The following WDR72 variants were observed in gnomAD, a reference collection of about 807,000 sequenced individuals.
WDR72 encodes the protein WD repeat-containing protein 72.
WDR72 carries 120 observed loss-of-function variants against 124.2 expected under a neutral mutation model. The ratio of observed to expected loss-of-function variants is 0.97; its 90% CI spans 0.83 to 1.12. The LOEUF (loss-of-function observed/expected upper bound fraction) is 1.12, where lower values mean the gene tolerates loss of function less well. WDR72 is among the 50% of genes most tolerant of loss of function. The probability of loss-of-function intolerance (pLI) is 0.00; values close to 1 mark genes in which losing one functional copy is unlikely to be tolerated. For missense variants in WDR72, 1,387 were observed against 1,278.8 expected, an observed-to-expected ratio of 1.08 and a Z score of -1.29; for synonymous variants, 452 against 441.7, an observed-to-expected ratio of 1.02 and a Z score of -0.29.
intron 18 of WDR72, among the ~76,000 whole-genome samples, chr15:53,537,277 A>C (rs1224746429): frequency 6.6e-6 from 1 of 152,168 alleles, no homozygotes; most frequent in African/African-American, 2.4e-5. Flanking sequence ...ATTGAATGAC[A>C]TTGTATAATT....
chr15:53,567,906 C>T lies in WDR72; in HGVS notation c.3148+29173G>A, dbSNP rs77027539. Among the ~76,000 whole-genome samples, 7 of 151,198 alleles carry T rather than the reference C, an allele frequency of 4.6e-5. No homozygotes were observed. The East Asian group carries it at 1.4e-3, about 30-fold the overall frequency. On this transcript the variant is annotated intron_variant, in intron 18 of 19. Transcript: ENST00000360509. Reference sequence around the variant, plus strand: ...TAAAAAACAAATAATCATTTCTAAGCTTTATTAGAAATGTCTTAAATTCAA... The same window carrying T: ...TAAAAAACAAATAATCATTTCTAAGTTTTATTAGAAATGTCTTAAATTCAA...
intron 14 of WDR72, among the ~76,000 whole-genome samples, chr15:53,656,850 C>T (rs2015436611): frequency 6.6e-6 from 1 of 151,842 alleles, no homozygotes; most frequent in Non-Finnish European, 1.5e-5. Context: ...CATCCAAATC[C>T]ACTGGAGTGA....
intron 14 of WDR72, among the ~76,000 whole-genome samples, chr15:53,665,103 T>C (rs1028837533): frequency 1.3e-5 from 2 of 152,174 alleles, no homozygotes; most frequent in African/African-American, 4.8e-5. Flanking sequence ...TCCATCACTG[T>C]GTATTCACTG....
intron 13 of WDR72, among the ~76,000 whole-genome samples, chr15:53,690,881 C>T (rs1183014077): frequency 2.6e-5 from 4 of 152,116 alleles, no homozygotes; most frequent in African/African-American, 9.7e-5. Context: ...AAATGTCATA[C>T]AGTTTCTACA....
chr15:53,578,343 G>T (rs2011725498), intron 18 of WDR72, among the ~76,000 whole-genome samples: 1 of 152,098 alleles, frequency 6.6e-6, no homozygotes, highest in South Asian at 2.1e-4. Context: ...GGTTGCCCAT[G>T]ACATGAAGAT....
At chr15:53,682,057 G>T (rs1214320816) in intron 13 of WDR72, among the ~76,000 whole-genome samples, 1 of 152,064 alleles carries the variant, frequency 6.6e-6, no homozygotes, top group Non-Finnish European at 1.5e-5. Flanking sequence ...AATTACATGT[G>T]CCTGTTTTGT....
intron 2 of WDR72, among the ~76,000 whole-genome samples, chr15:53,728,830 A>G (rs576874902): frequency 6.6e-6 from 1 of 152,282 alleles, no homozygotes; most frequent in East Asian, 1.9e-4. Context: ...TATGGGAGTC[A>G]GACTTCGAAC....
At chr15:53,698,870 G>C (rs534065898) in intron 13 of WDR72, among the ~76,000 whole-genome samples, 1 of 152,140 alleles carries the variant, frequency 6.6e-6, no homozygotes, top group Non-Finnish European at 1.5e-5. Flanking sequence ...AAATGAGCAG[G>C]AAAGCCCATC....
chr15:53,675,111 G>A (rs560246034), intron 13 of WDR72, among the ~76,000 whole-genome samples: 6 of 152,162 alleles, frequency 3.9e-5, no homozygotes, highest in East Asian at 1.9e-4. Flanking sequence ...TTGGGAGGCC[G>A]AAGCAGGCGG....
At chr15:53,699,032 A>T in intron 13 of WDR72, among the ~76,000 whole-genome samples, 1 of 152,254 alleles carries the variant, frequency 6.6e-6, no homozygotes, top group East Asian at 1.9e-4. Flanking sequence ...ATAATATTAT[A>T]AACTATCCAG....
At chr15:53,706,132 T>A in intron 9 of WDR72, 58 bp from the exon 10 acceptor site, 1 of 1,556,290 alleles carries the variant, frequency 6.4e-7, no homozygotes, top group Non-Finnish European at 8.8e-7. Flanking sequence ...AGATGGCCAC[T>A]GTTTTTAAAT....
intron 14 of WDR72, among the ~76,000 whole-genome samples, chr15:53,645,971 G>C (rs1370673186): frequency 6.6e-6 from 1 of 152,104 alleles, no homozygotes; most frequent in African/African-American, 2.4e-5. Flanking sequence ...TTAAACAAGA[G>C]GCATGAGCCA....
intron 18 of WDR72, among the ~76,000 whole-genome samples, chr15:53,526,919 C>T (rs1005320083): frequency 6.6e-6 from 1 of 152,034 alleles, no homozygotes; most frequent in Admixed American, 6.6e-5. Context: ...AGATGTAAGG[C>T]TATTCCATTT....
intron 2 of WDR72, among the ~76,000 whole-genome samples, chr15:53,726,074 GA>G (rs958241445): frequency 2.6e-4 from 33 of 124,802 alleles, no homozygotes; most frequent in African/African-American, 4.2e-4. Flanking sequence ...TTCATCTCAA[GA>G]AAAAAAAAAA....
intron 14 of WDR72, among the ~76,000 whole-genome samples, chr15:53,653,662 GCTCATT>G (rs2015318826): frequency 6.6e-6 from 1 of 152,126 alleles, no homozygotes. Context: ...ATAATGGAAT[GCTCATT>G]CTTAGTTTCT....
chr15:53,755,362 A>G (rs1215685336), intron 1 of WDR72, among the ~76,000 whole-genome samples: 1 of 152,236 alleles, frequency 6.6e-6, no homozygotes, highest in Non-Finnish European at 1.5e-5. Flanking sequence ...TATTTCCCTT[A>G]ACTAAAAATT....
At chr15:53,594,797 CA>C (rs1421828105) in intron 18 of WDR72, among the ~76,000 whole-genome samples, 4 of 150,610 alleles carry the variant, frequency 2.7e-5, no homozygotes, top group Admixed American at 6.6e-5. Context: ...CCCACCCCCC[CA>C]AAAAAAATCC....
chr15:53,560,300 G>A (rs1182403944), intron 18 of WDR72, among the ~76,000 whole-genome samples: 3 of 151,866 alleles, frequency 2.0e-5, no homozygotes, highest in Non-Finnish European at 4.4e-5. Context: ...ACTTTCTGAT[G>A]CACACGGTAG....
chr15:53,597,908 T>G lies in WDR72; in HGVS notation c.2953-634A>C, dbSNP rs532115508. Among the ~76,000 whole-genome samples the G allele has an allele frequency of 7.9e-5, 12 of 152,254 alleles. No homozygotes were observed. In the East Asian group the frequency reaches 2.3e-3, roughly 30 times the overall value. ...AACATCCAACTAAATTCTTCATTTT[T>G]AAAATGAAGAATCTGGGTCATGACA... On this transcript the variant is annotated intron_variant, in intron 17 of 19. Coordinates refer to ENST00000360509, the MANE Select transcript of WDR72 (RefSeq NM_182758.4).
Sources: gnomAD v4.1 joint callset for allele counts (sites outside exome capture counted in the v4.1 genomes callset) on GRCh38, gnomAD v4.1.1 for gene constraint, MANE v1.5 for transcripts, NCBI Gene and HGNC (gene_info 2026-07-23, HGNC 2026-07-21) for gene names.